The following MPDZ variants were observed in gnomAD, a reference collection of about 807,000 sequenced individuals.
MPDZ encodes the protein multiple PDZ domain protein.
MPDZ carries 234 observed loss-of-function variants against 239.1 expected under a neutral mutation model. The observed-to-expected ratio is 0.98, with a 90% confidence interval of 0.88 to 1.09. The LOEUF is 1.09. Among genes scored for constraint, MPDZ ranks in the 50% least tolerant of loss-of-function variants. MPDZ has a pLI of 0.00. For synonymous variants in MPDZ, 1,048 were observed against 881.3 expected (o/e 1.19, Z -3.35); for missense variants, 3,175 against 2,510.0 (o/e 1.26, Z -5.66).
intron 27 of MPDZ, among the ~76,000 whole-genome samples, chr9:13,142,900 G>T (rs748251500): frequency 2.7e-4 from 41 of 152,028 alleles, no homozygotes; most frequent in Non-Finnish European, 4.9e-4. Context: ...TTCGATTTTG[G>T]TTTTATAATT....
chr9:13,121,541 C>T (rs531826331), intron 38 of MPDZ, among the ~76,000 whole-genome samples, 198 bp downstream of exon 38: 6 of 152,178 alleles, frequency 3.9e-5, no homozygotes, highest in Non-Finnish European at 7.3e-5. Context: ...TGTTAAGTGC[C>T]TTCAAAACCT....
At chr9:13,254,537 C>G (rs1968939932) in intron 1 of MPDZ, among the ~76,000 whole-genome samples, 1 of 151,900 alleles carries the variant, frequency 6.6e-6, no homozygotes, top group African/African-American at 2.4e-5. Flanking sequence ...GTAAATTAAA[C>G]TTTATCATAG....
rs576743844 is a variant in MPDZ, at chr9:13,184,771, T to C, written c.2482-1186A>G. On this transcript the variant is annotated intron_variant, in intron 18 of 46. Transcript: ENST00000319217. ...GTATATTGCTGATATCTTAGGATCTTAGGAGAGATATTAACAATCAATTCA... is the reference window on the plus strand; with the variant it reads ...GTATATTGCTGATATCTTAGGATCTCAGGAGAGATATTAACAATCAATTCA... 2.0e-5 allele frequency among the ~76,000 whole-genome samples: 3 copies of C among 152,110 alleles called. No individual in the cohort carries two copies. In the East Asian group the frequency reaches 5.8e-4, roughly 29 times the overall value.
intron 26 of MPDZ, among the ~76,000 whole-genome samples, chr9:13,145,128 G>GTA (rs1274320615): frequency 6.6e-6 from 1 of 152,036 alleles, no homozygotes; most frequent in African/African-American, 2.4e-5. Context: ...AAGTGTAAAA[G>GTA]TATAGCATAG....
At chr9:13,171,417 G>C (rs908815620) in intron 21 of MPDZ, among the ~76,000 whole-genome samples, 3 of 152,128 alleles carry the variant, frequency 2.0e-5, no homozygotes, top group Admixed American at 2.0e-4. Flanking sequence ...GAGATAGACA[G>C]GCTTGAGTTC....
At chr9:13,142,960 G>A (rs984940518) in intron 27 of MPDZ, among the ~76,000 whole-genome samples, 2 of 152,074 alleles carry the variant, frequency 1.3e-5, no homozygotes, top group Non-Finnish European at 2.9e-5. Flanking sequence ...CATTGAAACA[G>A]TTACGTTTCC....
chr9:13,217,932 T>A (rs914942637), intron 8 of MPDZ, among the ~76,000 whole-genome samples: 1 of 151,826 alleles, frequency 6.6e-6, no homozygotes, highest in Non-Finnish European at 1.5e-5. Context: ...AAATTCTATG[T>A]TGGACTGAAG....
chr9:13,198,844 T>C lies in MPDZ; in HGVS notation c.1547-2614A>G, dbSNP rs533650469. 2.0e-5 allele frequency among the ~76,000 whole-genome samples: 3 copies of C among 151,390 alleles called. No homozygotes were observed. The South Asian group carries it at 6.3e-4, about 32-fold the overall frequency. The stretch of plus-strand genomic sequence containing the variant: ...TGTTGGTGTGATGCCTCTAGCTTTG[T>C]TCTTTTTGCTCTAGACTGCTTTGGC... On this transcript the variant is annotated intron_variant, in intron 12 of 46. Coordinates refer to ENST00000319217, the MANE Select transcript of MPDZ (RefSeq NM_001378778.1).
chr9:13,186,413 A>G, intron 17 of MPDZ, 27 bp from the exon 18 acceptor site: 2 of 1,439,182 alleles, frequency 1.4e-6, no homozygotes, highest in Non-Finnish European at 1.9e-6. Flanking sequence ...GTATTCATGG[A>G]AAAGAGAGAG....
chr9:13,111,440 C>A (rs1942454474), intron 43 of MPDZ, among the ~76,000 whole-genome samples: 1 of 152,098 alleles, frequency 6.6e-6, no homozygotes, highest in Admixed American at 6.6e-5. Flanking sequence ...AGGTATGAAA[C>A]CATAGAGATT....
chr9:13,196,925 T>C (rs1433116474), intron 12 of MPDZ, among the ~76,000 whole-genome samples: 1 of 151,902 alleles, frequency 6.6e-6, no homozygotes, highest in Non-Finnish European at 1.5e-5. Context: ...CTCGTAAGAT[T>C]TGTCTTTTTA....
intron 10 of MPDZ, among the ~76,000 whole-genome samples, chr9:13,208,980 A>C (rs889109590): frequency 6.6e-6 from 1 of 152,158 alleles, no homozygotes; most frequent in African/African-American, 2.4e-5. Context: ...AAGAAGCACC[A>C]AGGTCCTTAG....
chr9:13,246,993 T>C (rs544037917), intron 3 of MPDZ, among the ~76,000 whole-genome samples: 2 of 152,342 alleles, frequency 1.3e-5, no homozygotes, highest in Admixed American at 1.3e-4. Context: ...GTGAAATGTT[T>C]CAATTTTAAT....
chr9:13,149,795 AAC>A (rs1376430942), intron 25 of MPDZ, among the ~76,000 whole-genome samples: 2 of 152,100 alleles, frequency 1.3e-5, no homozygotes, highest in African/African-American at 2.4e-5. Flanking sequence ...ACATGCTTCT[AAC>A]ACATAACAAA....
intron 19 of MPDZ, among the ~76,000 whole-genome samples, chr9:13,181,287 C>G (rs1953284350): frequency 6.6e-6 from 1 of 152,144 alleles, no homozygotes; most frequent in African/African-American, 2.4e-5. Context: ...AGTACGCTCA[C>G]TTTTAAGAAA....
At chr9:13,181,426 G>A (rs1193231546) in intron 19 of MPDZ, among the ~76,000 whole-genome samples, 1 of 152,076 alleles carries the variant, frequency 6.6e-6, no homozygotes, top group East Asian at 1.9e-4. Context: ...AAAAGTCTAG[G>A]TATTAGAAAG....
rs188335293 is a variant in MPDZ at position 13,231,077 on chromosome 9, T to C, written c.184-6494A>G. 1.1e-3 allele frequency among the ~76,000 whole-genome samples: 165 copies of C among 152,210 alleles called. 1 individual carries two copies. Among genetic ancestry groups the C allele is most frequent in the Middle Eastern group, 6.8e-3 (2 of 294 alleles). On this transcript the variant is annotated intron_variant, in intron 3 of 46. Coordinates refer to ENST00000319217, the MANE Select transcript of MPDZ (RefSeq NM_001378778.1). Reference sequence around the variant, plus strand: ...TCAAAAAAGTCAAAAAGTTGATCTTTGAGACAAAGATGAGAGTAATAAAAC... The same window carrying C: ...TCAAAAAAGTCAAAAAGTTGATCTTCGAGACAAAGATGAGAGTAATAAAAC...
intron 1 of MPDZ, among the ~76,000 whole-genome samples, chr9:13,254,386 C>T (rs1180903564): frequency 6.6e-6 from 1 of 152,140 alleles, no homozygotes; most frequent in African/African-American, 2.4e-5. Flanking sequence ...AATAGTTATT[C>T]AAAGTACATT....
intron 14 of MPDZ, among the ~76,000 whole-genome samples, 164 bp downstream of exon 14, chr9:13,193,003 A>G (rs545195863): frequency 1.3e-5 from 2 of 152,324 alleles, no homozygotes; most frequent in African/African-American, 4.8e-5. Context: ...ACACACAGAT[A>G]CACAGATACA....
Sources: allele counts gnomAD v4.1 joint callset (sites outside exome capture counted in the v4.1 genomes callset), GRCh38; gene constraint gnomAD v4.1.1; transcripts MANE v1.5; gene names NCBI Gene and HGNC (gene_info 2026-07-23, HGNC 2026-07-21).